VPS13C: variants seen among roughly 807,000 people sequenced by gnomAD.
The protein encoded by VPS13C is intermembrane lipid transfer protein VPS13C.
In VPS13C, 358 loss-of-function variants were observed where a neutral mutation model predicts 456.8. The observed-to-expected ratio is 0.78, with a 90% confidence interval of 0.72 to 0.86. The LOEUF is 0.86. Ranked by LOEUF, VPS13C falls within the 40% of genes least tolerant of loss-of-function variation. The pLI, the probability that VPS13C is intolerant of heterozygous loss-of-function variation, is 0.00. For synonymous variants in VPS13C, 1,578 were observed against 1,486.7 expected, an observed-to-expected ratio of 1.06 and a Z score of -1.41; for missense variants, 4,818 against 4,385.4, an observed-to-expected ratio of 1.10 and a Z score of -2.79.
chr15:61,943,286 AC>A (rs2140264711), intron 45 of VPS13C, among the ~76,000 whole-genome samples: 1 of 152,304 alleles, frequency 6.6e-6, no homozygotes, highest in Non-Finnish European at 1.5e-5. Flanking sequence ...TTCATATGGA[AC>A]CAAAAAAGAA....
chr15:61,984,440 C>T lies in VPS13C; in HGVS notation c.1721+417G>A, dbSNP rs560693895. 5.9e-4 allele frequency among the ~76,000 whole-genome samples: 90 copies of T among 152,270 alleles called. 1 individual carries two copies. In the South Asian group the frequency reaches 0.015, roughly 25 times the overall value. On this transcript the variant is annotated intron_variant, in intron 19 of 84. Coordinates refer to ENST00000644861, the MANE Select transcript of VPS13C (RefSeq NM_020821.3). ...AGTTATTCTCTTCCACAACTAAGCT[C>T]GTGTAGCATTAACTATGAGGCATTT...
Position 61,874,867 on chromosome 15 carries a change from G to C in VPS13C, c.10414+9C>G. 1 of 1,573,198 alleles carries C rather than the reference G, an allele frequency of 6.4e-7. No individual in the cohort carries two copies. The highest frequency in any genetic ancestry group is 8.6e-7 in the Non-Finnish European group (1 of 1,163,810). On this transcript the variant is annotated intron_variant, in intron 77 of 84. Transcript: ENST00000644861. ...AATATACACATATACACAAATATGTGATACATACCTACTGTGTGTCCAAAG... is the reference window on the plus strand; with the variant it reads ...AATATACACATATACACAAATATGTCATACATACCTACTGTGTGTCCAAAG...
At position 61,981,374 on chromosome 15, in the gene VPS13C, C is replaced by T; in HGVS notation, c.2134G>A (p.Asp712Asn). 4 of 1,610,850 alleles carry T rather than the reference C, an allele frequency of 2.5e-6. No individual in the cohort carries two copies. Among genetic ancestry groups the T allele is most frequent in the Non-Finnish European group, 3.4e-6 (4 of 1,178,932 alleles). The change falls in exon 22 of 85, where the codon GAT (aspartate) becomes AAT (asparagine). Residue 712 changes from aspartate (D) to asparagine (N), a missense_variant. Around this residue, in one of 3 missense-constraint regions of VPS13C, gnomAD observed 4,552 missense variants for 4,130.6 expected, o/e 1.10. Coordinates refer to ENST00000644861, the MANE Select transcript of VPS13C (RefSeq NM_020821.3). Reference sequence around the variant, plus strand: ...GTACCAAAATCTAAAATCAGAAGATCTGACTTTTCATGGTGGAAACCCGTC... The same window carrying T: ...GTACCAAAATCTAAAATCAGAAGATTTGACTTTTCATGGTGGAAACCCGTC... ...PQTGFHHEKS[D>N]LLILDFGTFQ...
intron 21 of VPS13C, among the ~76,000 whole-genome samples, chr15:61,981,717 G>C (rs1315001160): frequency 6.6e-6 from 1 of 152,028 alleles, no homozygotes; most frequent in Non-Finnish European, 1.5e-5. Context: ...AAAAAAATTA[G>C]CCAGGCGTGG....
At chr15:61,972,584 A>G (rs1162607926) in intron 27 of VPS13C, 41 bp downstream of exon 27, 1 of 1,595,864 alleles carries the variant, frequency 6.3e-7, no homozygotes, top group East Asian at 2.2e-5. Flanking sequence ...CAAGATAGTG[A>G]CAGCCAGAAT....
intron 27 of VPS13C, among the ~76,000 whole-genome samples, chr15:61,971,405 G>A (rs921570296): frequency 5.9e-5 from 9 of 152,100 alleles, no homozygotes; most frequent in African/African-American, 2.2e-4. Context: ...GGGATTACAG[G>A]TGCCCACCAC....
chr15:61,926,390 A>C (rs2043850331), intron 52 of VPS13C, among the ~76,000 whole-genome samples: 1 of 152,190 alleles, frequency 6.6e-6, no homozygotes, highest in African/African-American at 2.4e-5. Flanking sequence ...ACGGAGTGAG[A>C]CCCTTGTCTC....
At chr15:62,016,333 A>T (rs1191897105) in intron 9 of VPS13C, among the ~76,000 whole-genome samples, 1 of 151,912 alleles carries the variant, frequency 6.6e-6, no homozygotes, top group African/African-American at 2.4e-5. Flanking sequence ...CAGATTAGTT[A>T]CGTATGTATA....
At chr15:61,883,745 A>G (rs1025212157) in intron 68 of VPS13C, among the ~76,000 whole-genome samples, 1 of 152,128 alleles carries the variant, frequency 6.6e-6, no homozygotes, top group Non-Finnish European at 1.5e-5. Flanking sequence ...GTCTTTATTT[A>G]GCAATATATA....
intron 38 of VPS13C, 38 bp downstream of exon 38, chr15:61,954,383 T>C: frequency 6.3e-7 from 1 of 1,589,754 alleles, no homozygotes; most frequent in Non-Finnish European, 8.5e-7. Flanking sequence ...CCATTACTTA[T>C]TCACCTCACT....
chr15:62,060,032 G>T (rs2048944097), intron 1 of VPS13C, among the ~76,000 whole-genome samples: 1 of 152,190 alleles, frequency 6.6e-6, no homozygotes, highest in East Asian at 1.9e-4. Context: ...TTGGCCTCGG[G>T]GGACGAGAAA....
At chr15:61,993,783 A>T (rs2046296106) in intron 16 of VPS13C, among the ~76,000 whole-genome samples, 2 of 152,162 alleles carry the variant, frequency 1.3e-5, no homozygotes. Context: ...ATTAATATTT[A>T]AAAATATGAG....
At chr15:61,982,272 C>T (rs1437273785) in intron 21 of VPS13C, among the ~76,000 whole-genome samples, 187 bp downstream of exon 21, 1 of 152,182 alleles carries the variant, frequency 6.6e-6, no homozygotes, top group Non-Finnish European at 1.5e-5. Flanking sequence ...CCATATTATG[C>T]TCTTTCTCAC....
At chr15:62,018,952 C>G (rs936818369) in intron 9 of VPS13C, among the ~76,000 whole-genome samples, 52 of 152,260 alleles carry the variant, frequency 3.4e-4, no homozygotes, top group African/African-American at 1.3e-3. Context: ...TTAATTATTG[C>G]CTCAATTTCA....
chr15:62,049,010 G>C (rs1211434811), intron 1 of VPS13C, among the ~76,000 whole-genome samples: 1 of 150,566 alleles, frequency 6.6e-6, no homozygotes, highest in African/African-American at 2.4e-5. Flanking sequence ...TTAGCCCTTT[G>C]TCAGATGAGT....
chr15:61,979,937 A>C (rs1596413819), intron 22 of VPS13C, among the ~76,000 whole-genome samples: 1 of 152,070 alleles, frequency 6.6e-6, no homozygotes. Context: ...TAATCCCAGC[A>C]CTTTGGGAGG....
intron 64 of VPS13C, 27 bp from the exon 65 acceptor site, chr15:61,909,152 T>G (rs769069742): frequency 6.2e-7 from 1 of 1,611,294 alleles, no homozygotes; most frequent in African/African-American, 1.3e-5. Flanking sequence ...AAAAGTATGT[T>G]TGATGTACTG....
At chr15:62,005,637 A>G (rs1337839538) in intron 15 of VPS13C, among the ~76,000 whole-genome samples, 2 of 149,974 alleles carry the variant, frequency 1.3e-5, no homozygotes, top group Non-Finnish European at 3.0e-5. Context: ...TTTTGGCATG[A>G]TTTTGCAGCG....
At chr15:62,051,643 G>A (rs536639760) in intron 1 of VPS13C, among the ~76,000 whole-genome samples, 6 of 152,242 alleles carry the variant, frequency 3.9e-5, no homozygotes, top group African/African-American at 1.2e-4. Context: ...ACAGGCCAGC[G>A]TGGTTGTCGG....
Sources: gnomAD v4.1 joint callset for allele counts (sites outside exome capture counted in the v4.1 genomes callset) on GRCh38, gnomAD v4.1.1 for gene constraint, gnomAD v4.1.1 regional missense constraint, MANE v1.5 for transcripts, NCBI Gene and HGNC (gene_info 2026-07-23, HGNC 2026-07-21) for gene names.